CEP112: variants seen among roughly 807,000 people sequenced by gnomAD.
CEP112 encodes centrosomal protein 112.
Under a neutral mutation model 153.0 loss-of-function variants are expected in CEP112, and 127 were observed. The observed-to-expected ratio is 0.83, with a 90% CI of 0.72 to 0.96. CEP112 has a LOEUF of 0.96. Ranked by LOEUF, CEP112 falls within the 40% of genes least tolerant of loss-of-function variation. The pLI is 0.00. For missense variants in CEP112, 1,089 were observed against 1,101.2 expected (o/e 0.99, Z 0.16); for synonymous variants, 358 against 374.4 (o/e 0.96, Z 0.51).
intron 18 of CEP112, among the ~76,000 whole-genome samples, chr17:65,934,351 G>A (rs1342639396): frequency 1.3e-5 from 2 of 152,078 alleles, no homozygotes; most frequent in African/African-American, 2.4e-5. Flanking sequence ...TATGTAAGTT[G>A]CATGGTAACC....
intron 17 of CEP112, among the ~76,000 whole-genome samples, chr17:65,969,718 CATAA>C (rs1398605663): frequency 1.3e-5 from 2 of 152,182 alleles, no homozygotes; most frequent in Non-Finnish European, 2.9e-5. Context: ...AGGAATATCA[CATAA>C]ATGTGTATTG....
At chr17:65,730,311 C>G (rs951351169) in intron 23 of CEP112, among the ~76,000 whole-genome samples, 1 of 152,164 alleles carries the variant, frequency 6.6e-6, no homozygotes, top group Non-Finnish European at 1.5e-5. Flanking sequence ...ATTGCTATTG[C>G]TTCTCCTTGC....
At chr17:65,750,785 C>T in intron 21 of CEP112, 61 bp from the exon 22 acceptor site, 1 of 1,480,014 alleles carries the variant, frequency 6.8e-7, no homozygotes, top group South Asian at 1.1e-5. Context: ...ATCTCTTCCA[C>T]ATGCCTATCA....
At chr17:66,063,446 T>G (rs1056762182) in intron 10 of CEP112, among the ~76,000 whole-genome samples, 2 of 151,942 alleles carry the variant, frequency 1.3e-5, no homozygotes, top group Non-Finnish European at 2.9e-5. Context: ...AGCTGAGCTA[T>G]GGGTATGCAA....
Position 65,892,674 on chromosome 17 carries a change from C to G in CEP112, c.2163+9478G>C, listed in dbSNP as rs116661990. On this transcript the variant is annotated intron_variant, in intron 20 of 26. Coordinates refer to ENST00000535342, the MANE Select transcript of CEP112 (RefSeq NM_001199165.4). The stretch of plus-strand genomic sequence containing the variant: ...CACACTGCAGCTCTTGAACTCATGG[C>G]ATTTGTCTAACGACAGCTTTGGCAG... Among the ~76,000 whole-genome samples the G allele has an allele frequency of 1.3e-3, 194 of 152,226 alleles. 2 individuals are homozygous for G. Among genetic ancestry groups the G allele is most frequent in the African/African-American group, 4.5e-3 (187 of 41,546 alleles).
intron 18 of CEP112, among the ~76,000 whole-genome samples, chr17:65,947,739 T>C (rs1023051735): frequency 6.6e-6 from 1 of 152,136 alleles, no homozygotes; most frequent in African/African-American, 2.4e-5. Flanking sequence ...ATAGCATCTA[T>C]TTAAACGTTT....
At position 66,005,706 on chromosome 17, in the gene CEP112, A is replaced by T. The variant is rs1248494967; in HGVS notation, c.1720T>A (p.Phe574Ile). Residue 574 changes from phenylalanine to isoleucine, a missense_variant, in exon 17 of 27, where the codon TTT (phenylalanine) becomes ATT (isoleucine). Transcript: ENST00000535342. ...KEDTQKKIHK[F>I]EEALKEKEEQ... The stretch of plus-strand genomic sequence containing the variant: ...TTTACTCACTTCAAAGCTTCCTCAA[A>T]TTTATGAATTTTCTTTTGAGTATCT... The T allele has an allele frequency of 6.2e-7, 1 of 1,610,182 alleles. No homozygotes were observed. The highest frequency in any genetic ancestry group is 1.7e-5 in the Admixed American group (1 of 59,404).
intron 6 of CEP112, among the ~76,000 whole-genome samples, chr17:66,100,874 G>C (rs973764504): frequency 4.6e-5 from 7 of 151,998 alleles, no homozygotes; most frequent in African/African-American, 1.7e-4. Flanking sequence ...TATTGTATTA[G>C]GTACTATAAG....
intron 24 of CEP112, among the ~76,000 whole-genome samples, chr17:65,663,483 G>C (rs1216841355): frequency 1.3e-5 from 2 of 152,160 alleles, no homozygotes; most frequent in African/African-American, 2.4e-5. Context: ...AGAGAAAAAG[G>C]GGGGCGGCCA....
At chr17:65,720,733 T>C (rs1162192689) in intron 23 of CEP112, among the ~76,000 whole-genome samples, 1 of 152,184 alleles carries the variant, frequency 6.6e-6, no homozygotes, top group Non-Finnish European at 1.5e-5. Context: ...AATAGGGCCT[T>C]TTTCAGTAAT....
intron 20 of CEP112, among the ~76,000 whole-genome samples, chr17:65,867,336 G>A (rs1480285609): frequency 2.0e-5 from 3 of 152,258 alleles, no homozygotes; most frequent in Admixed American, 6.5e-5. Flanking sequence ...CAGCCTGCCA[G>A]GCCAAGTGGG....
At chr17:66,087,716 G>A (rs1052113423) in intron 8 of CEP112, among the ~76,000 whole-genome samples, 2 of 152,088 alleles carry the variant, frequency 1.3e-5, no homozygotes, top group African/African-American at 2.4e-5. Flanking sequence ...AAGACATAAC[G>A]CAGAATGTAG....
intron 17 of CEP112, among the ~76,000 whole-genome samples, chr17:65,998,858 A>G (rs1054387115): frequency 1.3e-5 from 2 of 152,322 alleles, no homozygotes; most frequent in Admixed American, 1.3e-4. Flanking sequence ...AATTTAAGCT[A>G]GAAGTTGGAC....
chr17:65,747,104 T>A (rs1457350756), intron 22 of CEP112, among the ~76,000 whole-genome samples: 2 of 151,978 alleles, frequency 1.3e-5, no homozygotes, highest in East Asian at 3.9e-4. Flanking sequence ...GGGTTAGGAT[T>A]TCATCTTCAA....
At chr17:65,733,476 T>C (rs1256558287) in intron 23 of CEP112, among the ~76,000 whole-genome samples, 1 of 152,154 alleles carries the variant, frequency 6.6e-6, no homozygotes, top group African/African-American at 2.4e-5. Flanking sequence ...AACCTTGAAT[T>C]GTAAAAAACA....
rs572344799 is a variant in CEP112, at chr17:65,907,935, A to G, written c.1981-5601T>C. 4.7e-4 allele frequency among the ~76,000 whole-genome samples: 71 copies of G among 152,332 alleles called. 1 individual carries two copies. The South Asian group carries it at 0.014, about 29-fold the overall frequency. On this transcript the variant is annotated intron_variant, in intron 19 of 26. Coordinates refer to ENST00000535342, the MANE Select transcript of CEP112 (RefSeq NM_001199165.4). ...ATGTCTAACGGAGTTAATGATGACC[A>G]GGAGGTGGTAAATTATGGACATTGT...
At chr17:65,872,213 G>T (rs2058688540) in intron 20 of CEP112, among the ~76,000 whole-genome samples, 2 of 151,462 alleles carry the variant, frequency 1.3e-5, no homozygotes, top group South Asian at 4.2e-4. Flanking sequence ...TAACATTTTT[G>T]GGTTTCTTTT....
intron 21 of CEP112, among the ~76,000 whole-genome samples, chr17:65,775,135 T>C (rs997684155): frequency 3.6e-4 from 54 of 151,894 alleles, no homozygotes; most frequent in Admixed American, 1.1e-3. Context: ...CATCTTTTGG[T>C]CAACATAGGG....
At chr17:65,807,423 T>A (rs902375636) in intron 21 of CEP112, among the ~76,000 whole-genome samples, 1 of 152,152 alleles carries the variant, frequency 6.6e-6, no homozygotes, top group African/African-American at 2.4e-5. Context: ...GGGAGAGATT[T>A]AAGTAGGTTA....
Sources: gnomAD v4.1 joint callset for allele counts (sites outside exome capture counted in the v4.1 genomes callset) on GRCh38, gnomAD v4.1.1 for gene constraint, MANE v1.5 for transcripts, NCBI Gene and HGNC (gene_info 2026-07-23, HGNC 2026-07-21) for gene names.